The following TIPIN variants were observed in gnomAD, a reference collection of about 807,000 sequenced individuals.
TIPIN encodes TIMELESS interacting protein.
In TIPIN, 29 loss-of-function variants were observed where a neutral mutation model predicts 35.6. The observed-to-expected ratio is 0.82, with a 90% CI of 0.61 to 1.11. The LOEUF (loss-of-function observed/expected upper bound fraction) is 1.11, where lower values mean the gene tolerates loss of function less well. TIPIN is among the 50% of genes most tolerant of loss of function. TIPIN has a pLI of 0.00. For missense variants in TIPIN, 296 were observed against 345.4 expected (o/e 0.86, Z 1.13); for synonymous variants, 102 against 121.5 (o/e 0.84, Z 1.06).
Position 66,337,180 on chromosome 15 carries a change from A to G in TIPIN, c.684T>C (p.Asp228=). Reference sequence around the variant, plus strand: ...GTGCCCTGGGTGTATTCATTAACATATCTGAAAGAAATCATACCATTATTA... The same window carrying G: ...GTGCCCTGGGTGTATTCATTAACATGTCTGAAAGAAATCATACCATTATTA... ...LLSNSQTLGN[D]MLMNTPRAHT... is the part of the protein sequence containing the mutation. Residue 228 remains aspartate (D), a splice_region_variant and synonymous_variant, in exon 8 of 8, where the codon GAT becomes GAC. Coordinates refer to ENST00000261881, the MANE Select transcript of TIPIN (RefSeq NM_017858.3). 6.2e-7 allele frequency: 1 copy of G among 1,611,590 alleles called. No individual in the cohort carries two copies. Among genetic ancestry groups the G allele is most frequent in the Non-Finnish European group, 8.5e-7 (1 of 1,178,430 alleles).
chr15:66,361,941 T>C (rs1214528285), intron 1 of TIPIN, among the ~76,000 whole-genome samples: 1 of 151,860 alleles, frequency 6.6e-6, no homozygotes, highest in Non-Finnish European at 1.5e-5. Flanking sequence ...ATTGTGCCAC[T>C]GCACTCCAGC....
At chr15:66,370,354 T>G (rs1457510874) in intron 1 of TIPIN, among the ~76,000 whole-genome samples, 1 of 152,158 alleles carries the variant, frequency 6.6e-6, no homozygotes, top group Non-Finnish European at 1.5e-5. Flanking sequence ...TTGAGGCATC[T>G]TTTCCTTTAA....
chr15:66,352,886 T>G lies in TIPIN; in HGVS notation c.62A>C (p.Glu21Ala). 6.2e-7 allele frequency: 1 copy of G among 1,614,132 alleles called. No homozygotes were observed. The highest frequency in any genetic ancestry group is 8.5e-7 in the Non-Finnish European group (1 of 1,180,028). ...DLPDYEHVED[E>A]TFPPFPPPAS... ...TGGAGGTGGGAAAGGAGGAAAAGTT[T>G]CATCTTCTACATGCTCATAATCTGG... The change falls in exon 2 of 8, where the codon GAA (glutamate) becomes GCA (alanine). Residue 21 changes from glutamate to alanine, a missense_variant. Coordinates refer to ENST00000261881, the MANE Select transcript of TIPIN (RefSeq NM_017858.3).
upstream of TIPIN, among the ~76,000 whole-genome samples, chr15:66,357,074 G>GT (rs1459215874): frequency 6.6e-6 from 1 of 151,944 alleles, no homozygotes; most frequent in Admixed American, 6.6e-5. Flanking sequence ...CCGAATTTTT[G>GT]TTTTAATGGG....
chr15:66,374,643 C>T (rs1287740803), intron 1 of TIPIN, among the ~76,000 whole-genome samples: 3 of 151,936 alleles, frequency 2.0e-5, no homozygotes, highest in South Asian at 2.1e-4. Context: ...GCAATGGTGC[C>T]GTCTCGGATC....
At position 66,352,137 on chromosome 15, in the gene TIPIN, A is replaced by G. The variant is rs781042814; in HGVS notation, c.204T>C (p.Asp68=). 2 of 1,603,720 alleles carry G rather than the reference A, an allele frequency of 1.2e-6. No individual in the cohort carries two copies. Among genetic ancestry groups the G allele is most frequent in the African/African-American group, 2.7e-5 (2 of 74,470 alleles). The change falls in exon 3 of 8, where the codon GAT becomes GAC. Residue 68 remains aspartate (D), a synonymous_variant. Coordinates refer to ENST00000261881, the MANE Select transcript of TIPIN (RefSeq NM_017858.3). ...RTVKRNIPKL[D]AQRLISERGL... is the part of the protein sequence containing the mutation. ...GAATATAGTAAATGTACCTCTGAGC[A>G]TCCAGCTTGGGTATATTTCTTTTAA...
intron 6 of TIPIN, 136 bp downstream of exon 6, chr15:66,348,924 G>A (rs905390644): frequency 3.0e-6 from 2 of 676,660 alleles, no homozygotes; most frequent in African/African-American, 3.6e-5. Context: ...CAGACTGGGT[G>A]ACAGAGCAAG....
chr15:66,377,639 A>G (rs2093302151), intron 1 of TIPIN, among the ~76,000 whole-genome samples: 1 of 151,208 alleles, frequency 6.6e-6, no homozygotes, highest in Non-Finnish European at 1.5e-5. Context: ...TTGGGATTAC[A>G]GGCGTGAGCC....
rs1292871929 is a variant in TIPIN, at chr15:66,368,742, GA to G, written c.-8-15788del. Among the ~76,000 whole-genome samples, 3 of 152,122 alleles carry G rather than the reference GA, an allele frequency of 2.0e-5. No individual in the cohort carries two copies. In the East Asian group the frequency reaches 5.8e-4, roughly 29 times the overall value. On this transcript the variant is annotated intron_variant, in intron 1 of 7. Transcript: ENST00000562124. ...CTGGAGAAAGGTATGATAGACAAAG[GA>G]AAAATAATCATATTATTGTTTTTTG...
At position 66,385,861 on chromosome 15, in the gene TIPIN, T is replaced by G. The variant is rs559831586; in HGVS notation, c.-9+746A>C. Among the ~76,000 whole-genome samples, 334 of 151,958 alleles carry G rather than the reference T, an allele frequency of 2.2e-3. 1 individual carries two copies. Among genetic ancestry groups the G allele is most frequent in the African/African-American group, 7.6e-3 (316 of 41,396 alleles). ...GTGCAGTGGTGTGATCATAGCTCAC[T>G]GCAGCCTCAAACTCCTGGGCTCAAG... is the stretch of plus-strand genomic sequence containing the variant. On this transcript the variant is annotated intron_variant, in intron 1 of 7. Coordinates refer to the TIPIN transcript ENST00000562124.
At chr15:66,382,116 A>C (rs1833598368) in intron 1 of TIPIN, among the ~76,000 whole-genome samples, 1 of 152,174 alleles carries the variant, frequency 6.6e-6, no homozygotes, top group South Asian at 2.1e-4. Flanking sequence ...AAAACCTATC[A>C]CCATCACCAT....
intron 1 of TIPIN, among the ~76,000 whole-genome samples, chr15:66,363,260 G>C (rs776416562): frequency 2.0e-5 from 3 of 151,884 alleles, no homozygotes; most frequent in Non-Finnish European, 4.4e-5. Context: ...TGTAATCCCA[G>C]ACTTTGGGAG....
intron 7 of TIPIN, among the ~76,000 whole-genome samples, chr15:66,337,568 C>T (rs1374267954): frequency 2.0e-5 from 3 of 151,846 alleles, no homozygotes; most frequent in South Asian, 2.1e-4. Flanking sequence ...GTGATCCACC[C>T]GCCTCAGGCT....
At chr15:66,353,654 C>T (rs559270322) in intron 1 of TIPIN, among the ~76,000 whole-genome samples, 2 of 151,218 alleles carry the variant, frequency 1.3e-5, no homozygotes, top group South Asian at 2.1e-4. Flanking sequence ...ACACCTACTA[C>T]GTGCCCACAA....
At position 66,336,383 on chromosome 15, in the gene TIPIN, A is replaced by AG. The variant is rs1447196981; in HGVS notation, c.*574_*575insC. On this transcript the variant is annotated 3_prime_UTR_variant, in exon 8 of 8. Coordinates refer to ENST00000261881, the MANE Select transcript of TIPIN (RefSeq NM_017858.3). ...AGCCTGGCCAACATGGTGAAACCTC[A>AG]TCTCTACTAAAAGTACAAAAATTAG... is the stretch of plus-strand genomic sequence containing the variant. The AG allele has an allele frequency of 4.6e-5, 7 of 153,266 alleles. No individual in the cohort carries two copies. Among genetic ancestry groups the AG allele is most frequent in the Admixed American group, 1.9e-4 (3 of 15,460 alleles). The allele number at this position is 153,266 out of a possible 1,614,324, so 9.5% of individuals were successfully genotyped here. A position where few individuals can be genotyped will look rare whatever the true frequency, so the allele number is the denominator to read the frequency against.
intron 1 of TIPIN, chr15:66,379,998 C>CTTTTTTTTTTTTTTTTTTTTT (rs200332730): frequency 3.6e-6 from 1 of 276,086 alleles, no homozygotes; most frequent in Non-Finnish European, 6.4e-6. Flanking sequence ...TTCTTTCTTT[C>CTTTTTTTTTTTTTTTTTTTTT]TTTCTTTTTT....
intron 1 of TIPIN, among the ~76,000 whole-genome samples, chr15:66,377,107 CA>C (rs36061431): frequency 0.065 from 6,796 of 105,312 alleles, 202 homozygotes; most frequent in Middle Eastern, 0.11. Flanking sequence ...GACTCCCTCT[CA>C]AAAAAAAAAA....
At chr15:66,341,036 C>A in intron 7 of TIPIN, 114 bp downstream of exon 7, 1 of 881,260 alleles carries the variant, frequency 1.1e-6, no homozygotes, top group Non-Finnish European at 1.8e-6. Context: ...AACTTAATAT[C>A]ACACTTTTCC....
chr15:66,366,970 C>G (rs550088972), intron 1 of TIPIN: 1 of 845,450 alleles, frequency 1.2e-6, no homozygotes, highest in African/African-American at 1.8e-5. Flanking sequence ...CACTCGAGGT[C>G]AGGAGTTTGA....
Sources: allele counts gnomAD v4.1 joint callset (sites outside exome capture counted in the v4.1 genomes callset), GRCh38; gene constraint gnomAD v4.1.1; transcripts MANE v1.5; gene names NCBI Gene and HGNC (gene_info 2026-07-23, HGNC 2026-07-21).